TRAPPC8: variants seen among roughly 807,000 people sequenced by gnomAD.
The protein encoded by TRAPPC8 is trafficking protein particle complex subunit 8.
In TRAPPC8, 54 loss-of-function variants were observed where a neutral mutation model predicts 174.3. That is an observed-to-expected ratio of 0.31 (90% CI 0.25 to 0.39). The LOEUF is 0.39. TRAPPC8 is among the 10% of genes least tolerant of loss of function. The probability of loss-of-function intolerance (pLI) is 1.00; values close to 1 mark genes in which losing one functional copy is unlikely to be tolerated. For synonymous variants in TRAPPC8, 630 were observed against 579.9 expected, an observed-to-expected ratio of 1.09 and a Z score of -1.24; for missense variants, 1,531 against 1,699.1, an observed-to-expected ratio of 0.90 and a Z score of 1.74.
At chr18:31,884,403 T>C (rs929593465) in intron 12 of TRAPPC8, among the ~76,000 whole-genome samples, 1 of 152,220 alleles carries the variant, frequency 6.6e-6, no homozygotes, top group African/African-American at 2.4e-5. Flanking sequence ...TGTGTGTGTA[T>C]TTATGTGTGT....
chr18:31,923,411 A>G (rs11872942), intron 2 of TRAPPC8, among the ~76,000 whole-genome samples: 9,777 of 152,266 alleles, frequency 0.064, 369 homozygotes, highest in Non-Finnish European at 0.084. Flanking sequence ...TTACTGTACC[A>G]AGGAATAGCA....
chr18:31,843,726 T>C (rs753373621), intron 26 of TRAPPC8, among the ~76,000 whole-genome samples: 4 of 152,178 alleles, frequency 2.6e-5, no homozygotes, highest in African/African-American at 7.2e-5. Context: ...TGTAGTAAAA[T>C]AGTAAATAAA....
At chr18:31,904,790 G>A (rs2145455313) in intron 9 of TRAPPC8, among the ~76,000 whole-genome samples, 1 of 152,286 alleles carries the variant, frequency 6.6e-6, no homozygotes, top group East Asian at 1.9e-4. Context: ...AGCACTTTGG[G>A]AGGCTGAGGC....
chr18:31,905,296 T>C (rs2036611317), intron 9 of TRAPPC8, among the ~76,000 whole-genome samples: 2 of 152,158 alleles, frequency 1.3e-5, no homozygotes, highest in Non-Finnish European at 2.9e-5. Context: ...ATTATAAACT[T>C]ATATCCTTCA....
chr18:31,913,312 A>C, intron 5 of TRAPPC8, 57 bp downstream of exon 5: 1 of 1,512,108 alleles, frequency 6.6e-7, no homozygotes, highest in Non-Finnish European at 8.8e-7. Flanking sequence ...GTTAAACCAA[A>C]ACGTAAAAAC....
At chr18:31,879,544 T>G (rs1258496304) in intron 12 of TRAPPC8, among the ~76,000 whole-genome samples, 1 of 151,922 alleles carries the variant, frequency 6.6e-6, no homozygotes, top group Non-Finnish European at 1.5e-5. Flanking sequence ...ATTAATAATG[T>G]CACATCTAGA....
chr18:31,911,163 TCACA>T (rs1208587519), intron 5 of TRAPPC8, among the ~76,000 whole-genome samples: 1 of 152,206 alleles, frequency 6.6e-6, no homozygotes, highest in Admixed American at 6.5e-5. Flanking sequence ...TTTTTAAATG[TCACA>T]CACAGAGTGC....
chr18:31,919,291 G>C (rs2037273543), intron 2 of TRAPPC8, among the ~76,000 whole-genome samples: 1 of 152,108 alleles, frequency 6.6e-6, no homozygotes, highest in African/African-American at 2.4e-5. Flanking sequence ...CCAGCACTTT[G>C]GGAGGTCAAG....
intron 2 of TRAPPC8, among the ~76,000 whole-genome samples, chr18:31,930,640 T>C (rs1281975999): frequency 1.3e-5 from 2 of 152,132 alleles, no homozygotes; most frequent in African/African-American, 4.8e-5. Context: ...TACATATTAA[T>C]ATATAATTTC....
At chr18:31,919,426 G>C (rs184542116) in intron 2 of TRAPPC8, among the ~76,000 whole-genome samples, 1 of 151,400 alleles carries the variant, frequency 6.6e-6, no homozygotes, top group Non-Finnish European at 1.5e-5. Flanking sequence ...CCAGCTATTC[G>C]GGGGGCTGAG....
chr18:31,855,509 A>G (rs2033952880), intron 21 of TRAPPC8, 151 bp downstream of exon 21: 1 of 642,548 alleles, frequency 1.6e-6, no homozygotes. Context: ...AATCTAATGA[A>G]GAATTAAGAT....
intron 1 of TRAPPC8, among the ~76,000 whole-genome samples, chr18:31,938,584 T>C (rs2038200463): frequency 6.6e-6 from 1 of 152,164 alleles, no homozygotes; most frequent in Admixed American, 6.5e-5. Flanking sequence ...CTCCTGACAA[T>C]ACTTGGCACT....
In TRAPPC8 at chr18:31,901,115, GTTTT is replaced by G. The variant is rs3833187; in HGVS notation, c.1390-94_1390-91del. ...ACTAAAAGTTGGAATGAAATTTGCT[GTTTT>G]TTTTTTAACTGGATACACATGTATA... On this transcript the variant is annotated intron_variant, in intron 9 of 28. Transcript: ENST00000283351. 3 of 968,170 alleles carry G rather than the reference GTTTT, an allele frequency of 3.1e-6. No homozygotes were observed. The East Asian group carries it at 9.4e-5, about 30-fold the overall frequency. The allele number at this position is 968,170 out of a possible 1,614,324, so 60.0% of individuals were successfully genotyped here. A position where few individuals can be genotyped will look rare whatever the true frequency, so the allele number is the denominator to read the frequency against.
chr18:31,923,992 T>G (rs1468154970), intron 2 of TRAPPC8, among the ~76,000 whole-genome samples: 1 of 151,094 alleles, frequency 6.6e-6, no homozygotes, highest in Admixed American at 6.6e-5. Context: ...ACTAAAAAAA[T>G]ACAAAAATTA....
rs549070139 is a variant in TRAPPC8 at position 31,852,297 on chromosome 18, C to T, written c.3561+149G>A. 4.0e-4 allele frequency: 310 copies of T among 776,676 alleles called. 1 individual carries two copies. The South Asian group carries it at 5.3e-3, about 13-fold the overall frequency. The allele number at this position is 776,676 out of a possible 1,614,324, so 48.1% of individuals were successfully genotyped here. On this transcript the variant is annotated intron_variant, in intron 24 of 28. Coordinates refer to ENST00000283351, the MANE Select transcript of TRAPPC8 (RefSeq NM_014939.5). ...TCGAGGCTGCAGTGAGCTGTGATCACGCCACTGTACTCCTGGGAGACAGAG... is the reference window on the plus strand; with the variant it reads ...TCGAGGCTGCAGTGAGCTGTGATCATGCCACTGTACTCCTGGGAGACAGAG...
chr18:31,928,188 T>A (rs1368675870), intron 2 of TRAPPC8, among the ~76,000 whole-genome samples: 1 of 150,380 alleles, frequency 6.6e-6, no homozygotes, highest in Non-Finnish European at 1.5e-5. Context: ...TAAAATAAAA[T>A]TAAAATTAAA....
chr18:31,920,313 C>A (rs978743997), intron 2 of TRAPPC8, among the ~76,000 whole-genome samples: 4 of 152,134 alleles, frequency 2.6e-5, no homozygotes, highest in African/African-American at 9.7e-5. Flanking sequence ...CTTAGCAACA[C>A]TATCTGTAAT....
At chr18:31,883,066 T>C (rs574610824) in intron 12 of TRAPPC8, among the ~76,000 whole-genome samples, 2 of 150,056 alleles carry the variant, frequency 1.3e-5, no homozygotes, top group South Asian at 4.3e-4. Context: ...CTATTAAAAA[T>C]ACAAAAATTA....
intron 10 of TRAPPC8, among the ~76,000 whole-genome samples, chr18:31,899,373 G>A (rs765685930): frequency 1.1e-4 from 16 of 151,976 alleles, no homozygotes; most frequent in Non-Finnish European, 2.1e-4. Context: ...GCATGGTGGC[G>A]AATGCTGAAC....
Sources: allele counts gnomAD v4.1 joint callset (sites outside exome capture counted in the v4.1 genomes callset), GRCh38; gene constraint gnomAD v4.1.1; transcripts MANE v1.5; gene names NCBI Gene and HGNC (gene_info 2026-07-23, HGNC 2026-07-21).